Variants in LARGE1 observed in about 807,000 individuals in gnomAD.
LARGE1 encodes the protein xylosyl- and glucuronyltransferase LARGE1.
In LARGE1, 43 loss-of-function variants were observed where a neutral mutation model predicts 87.6. That is an observed-to-expected ratio of 0.49 (90% CI 0.38 to 0.63). The LOEUF (loss-of-function observed/expected upper bound fraction) is 0.63, where lower values mean the gene tolerates loss of function less well. Ranked by LOEUF, LARGE1 falls within the 30% of genes least tolerant of loss-of-function variation. LARGE1 has a pLI of 0.00. For missense variants in LARGE1, 802 were observed against 1,000.2 expected (o/e 0.80, Z 2.67); for synonymous variants, 434 against 394.6 (o/e 1.10, Z -1.18).
intron 10 of LARGE1, among the ~76,000 whole-genome samples, chr22:33,323,063 A>C (rs1936908707): frequency 6.6e-6 from 1 of 152,094 alleles, no homozygotes; most frequent in South Asian, 2.1e-4. Flanking sequence ...GGATGGTTGC[A>C]GTGAGCCGAG....
At chr22:33,797,388 T>C (rs1282387085) in intron 1 of LARGE1, among the ~76,000 whole-genome samples, 1 of 152,160 alleles carries the variant, frequency 6.6e-6, no homozygotes, top group Non-Finnish European at 1.5e-5. Flanking sequence ...GAAGTCTGGG[T>C]CTGGGGAGGT....
intron 2 of LARGE1, among the ~76,000 whole-genome samples, chr22:33,742,422 G>A (rs1335875345): frequency 1.3e-5 from 2 of 151,864 alleles, no homozygotes; most frequent in Non-Finnish European, 1.5e-5. Flanking sequence ...ATCAACCTTC[G>A]TGCACCGAGC....
At chr22:33,191,523 G>C (rs1923778130) in intron 11 of LARGE1, among the ~76,000 whole-genome samples, 2 of 130,336 alleles carry the variant, frequency 1.5e-5, no homozygotes, top group African/African-American at 6.1e-5. Context: ...GTTTTCAAAG[G>C]GGCTTCGTGG....
At chr22:33,068,828 A>C in the LARGE1 span, among the ~76,000 whole-genome samples, 3 of 152,118 alleles carry the variant, frequency 2.0e-5, no homozygotes, top group Admixed American at 2.0e-4. Context: ...GGAGGTGAAC[A>C]AACCAATCAA....
At chr22:33,499,701 CTCT>C (rs1412115881) in intron 6 of LARGE1, among the ~76,000 whole-genome samples, 1 of 152,144 alleles carries the variant, frequency 6.6e-6, no homozygotes, top group Non-Finnish European at 1.5e-5. Flanking sequence ...TCCTAAGCTC[CTCT>C]GTCAGTTCCT....
At chr22:33,818,244 T>G (rs2086715384) in intron 1 of LARGE1, among the ~76,000 whole-genome samples, 1 of 152,180 alleles carries the variant, frequency 6.6e-6, no homozygotes, top group Non-Finnish European at 1.5e-5. Flanking sequence ...TTCAGTTGAT[T>G]CAGGGCATGG....
chr22:33,371,842 G>A (rs2064819020), intron 9 of LARGE1, among the ~76,000 whole-genome samples: 1 of 152,048 alleles, frequency 6.6e-6, no homozygotes, highest in Non-Finnish European at 1.5e-5. Flanking sequence ...AAATTAGCCG[G>A]GCATGGTGGC....
chr22:33,684,929 T>C (rs1204880600), intron 2 of LARGE1, among the ~76,000 whole-genome samples: 2 of 152,222 alleles, frequency 1.3e-5, no homozygotes, highest in African/African-American at 4.8e-5. Flanking sequence ...TGATGTCTGC[T>C]GAGGCTCCAT....
chr22:33,258,369 G>T (rs1432906620), intron 11 of LARGE1, among the ~76,000 whole-genome samples: 1 of 152,168 alleles, frequency 6.6e-6, no homozygotes, highest in African/African-American at 2.4e-5. Context: ...CTAGAACTGA[G>T]TGCTGAAGAA....
chr22:33,368,648 GT>G (rs1446342075), intron 9 of LARGE1, among the ~76,000 whole-genome samples: 6 of 151,800 alleles, frequency 4.0e-5, no homozygotes, highest in Non-Finnish European at 8.8e-5. Flanking sequence ...GTGTGTGCCT[GT>G]TTGTGTATAT....
At chr22:33,443,671 C>T (rs1302965865) in intron 6 of LARGE1, among the ~76,000 whole-genome samples, 2 of 152,216 alleles carry the variant, frequency 1.3e-5, no homozygotes, top group Non-Finnish European at 2.9e-5. Flanking sequence ...AACAAGTCCA[C>T]CCTCCCCAAC....
At chr22:33,138,259 G>A in the LARGE1 span, among the ~76,000 whole-genome samples, 5 of 152,006 alleles carry the variant, frequency 3.3e-5, no homozygotes, top group Admixed American at 1.3e-4. Flanking sequence ...ACTGGATTTC[G>A]GACTTATATG....
At chr22:33,129,567 AT>A in the LARGE1 span, among the ~76,000 whole-genome samples, 110 of 152,380 alleles carry the variant, frequency 7.2e-4, no homozygotes, top group African/African-American at 2.6e-3. Context: ...TATTAAAAAA[AT>A]AAAAGTCATC....
intron 11 of LARGE1, among the ~76,000 whole-genome samples, chr22:33,229,191 C>T (rs537816651): frequency 1.3e-5 from 2 of 152,256 alleles, no homozygotes; most frequent in East Asian, 3.9e-4. Flanking sequence ...GCTACAAATT[C>T]AAAACCACTA....
At chr22:33,703,377 TAA>T (rs1406679860) in intron 2 of LARGE1, among the ~76,000 whole-genome samples, 3 of 127,586 alleles carry the variant, frequency 2.4e-5, no homozygotes, top group Non-Finnish European at 5.1e-5. Context: ...AAAAATAAAA[TAA>T]AAAAAGACTA....
At chr22:33,649,020 G>A (rs2080708514) in intron 3 of LARGE1, among the ~76,000 whole-genome samples, 1 of 152,194 alleles carries the variant, frequency 6.6e-6, no homozygotes, top group African/African-American at 2.4e-5. Flanking sequence ...TTGGCTGAAG[G>A]ACCAACTTGT....
intron 11 of LARGE1, among the ~76,000 whole-genome samples, chr22:33,204,422 G>A (rs943914868): frequency 1.3e-5 from 2 of 152,124 alleles, no homozygotes; most frequent in African/African-American, 4.8e-5. Flanking sequence ...TCACTAAAAT[G>A]TAAGACTTTT....
chr22:33,294,405 A>T (rs1235649482), intron 12 of LARGE1, among the ~76,000 whole-genome samples: 2 of 152,194 alleles, frequency 1.3e-5, no homozygotes, highest in Admixed American at 1.3e-4. Context: ...TAAGAAATCC[A>T]TGTGGTTCTC....
At chr22:33,814,356 C>T (rs2086587843) in intron 1 of LARGE1, among the ~76,000 whole-genome samples, 1 of 152,178 alleles carries the variant, frequency 6.6e-6, no homozygotes, top group South Asian at 2.1e-4. Flanking sequence ...TGGTTCCTGA[C>T]ATATCAGTAA....
Sources: allele counts gnomAD v4.1 joint callset (sites outside exome capture counted in the v4.1 genomes callset), GRCh38; gene constraint gnomAD v4.1.1; transcripts MANE v1.5; gene names NCBI Gene and HGNC (gene_info 2026-07-23, HGNC 2026-07-21).